Variants in SLC10A7 observed in about 807,000 individuals in gnomAD.
The protein encoded by SLC10A7 is solute carrier family 10 member 7.
SLC10A7 carries 29 observed loss-of-function variants against 43.2 expected under a neutral mutation model. The ratio of observed to expected loss-of-function variants is 0.67; its 90% confidence interval spans 0.50 to 0.92. The LOEUF is 0.92. Among genes scored for constraint, SLC10A7 ranks in the 40% least tolerant of loss-of-function variants. The pLI is 0.00. For synonymous variants in SLC10A7, 152 were observed against 144.8 expected (o/e 1.05, Z -0.35); for missense variants, 295 against 403.2 (o/e 0.73, Z 2.30).
At chr4:146,340,490 T>C (rs1007226913) in intron 5 of SLC10A7, among the ~76,000 whole-genome samples, 5 of 151,192 alleles carry the variant, frequency 3.3e-5, no homozygotes, top group Non-Finnish European at 5.9e-5. Flanking sequence ...AAAATATATA[T>C]ATACACATAT....
chr4:146,488,728 A>G (rs1298086694), intron 4 of SLC10A7, among the ~76,000 whole-genome samples: 1 of 152,206 alleles, frequency 6.6e-6, no homozygotes. Context: ...GTGGCTGTTA[A>G]AGCTTAGACA....
intron 10 of SLC10A7, among the ~76,000 whole-genome samples, chr4:146,277,667 C>T (rs1276958490): frequency 6.6e-6 from 1 of 152,110 alleles, no homozygotes; most frequent in East Asian, 1.9e-4. Flanking sequence ...TTTATGGCTA[C>T]ACTCCAAAGA....
chr4:146,498,482 A>G (rs1194820999), intron 4 of SLC10A7, among the ~76,000 whole-genome samples: 1 of 152,182 alleles, frequency 6.6e-6, no homozygotes, highest in African/African-American at 2.4e-5. Context: ...ACACACAGCC[A>G]CAATCACCAC....
At chr4:146,358,002 T>C (rs1288778952) in intron 5 of SLC10A7, among the ~76,000 whole-genome samples, 1 of 151,856 alleles carries the variant, frequency 6.6e-6, no homozygotes, top group Non-Finnish European at 1.5e-5. Context: ...GGATCATTGT[T>C]CATGCCTAAT....
At chr4:146,510,109 C>T in intron 2 of SLC10A7, 60 bp from the exon 3 acceptor site, 1 of 1,502,572 alleles carries the variant, frequency 6.7e-7, no homozygotes, top group South Asian at 1.3e-5. Context: ...GAAAGGAGAT[C>T]CCTACTAAAA....
chr4:146,505,731 A>C (rs1220135380), intron 3 of SLC10A7, among the ~76,000 whole-genome samples: 1 of 152,178 alleles, frequency 6.6e-6, no homozygotes, highest in Non-Finnish European at 1.5e-5. Context: ...GAGCTACTAG[A>C]GTCGTCTGTC....
intron 2 of SLC10A7, among the ~76,000 whole-genome samples, chr4:146,516,304 T>G (rs1195131165): frequency 6.6e-6 from 1 of 151,726 alleles, no homozygotes; most frequent in African/African-American, 2.4e-5. Context: ...CACACGTAAA[T>G]GTAAAAATGT....
chr4:146,429,024 C>T (rs1729580988), intron 5 of SLC10A7, among the ~76,000 whole-genome samples: 2 of 152,002 alleles, frequency 1.3e-5, no homozygotes, highest in East Asian at 3.8e-4. Flanking sequence ...GGATTTTCTT[C>T]TTTAGTAGAA....
At chr4:146,451,193 C>G (rs1312309625) in intron 4 of SLC10A7, among the ~76,000 whole-genome samples, 2 of 125,196 alleles carry the variant, frequency 1.6e-5, no homozygotes, top group Non-Finnish European at 3.3e-5. Flanking sequence ...CCGAACAGAC[C>G]AACAGCGAGT....
At position 146,374,421 on chromosome 4, in the gene SLC10A7, G is replaced by A. The variant is rs78787210; in HGVS notation, c.436-48425C>T. ...CTGGGCAACATGGTGAAATTCCCTC[G>A]CTACTAAAAATACAGAAACTAGCTG... On this transcript the variant is annotated intron_variant, in intron 5 of 11. Coordinates refer to ENST00000335472, the MANE Select transcript of SLC10A7 (RefSeq NM_001029998.6). Among the ~76,000 whole-genome samples, 177 of 151,604 alleles carry A rather than the reference G, an allele frequency of 1.2e-3. 1 individual carries two copies. In the East Asian group the frequency reaches 0.02, roughly 17 times the overall value.
chr4:146,393,830 G>T (rs1010695732), intron 5 of SLC10A7, among the ~76,000 whole-genome samples: 15 of 152,170 alleles, frequency 9.9e-5, no homozygotes, highest in African/African-American at 3.6e-4. Context: ...AGTCTTTAGG[G>T]GAAGGGAATA....
At chr4:146,488,721 G>T (rs934091980) in intron 4 of SLC10A7, among the ~76,000 whole-genome samples, 1 of 152,134 alleles carries the variant, frequency 6.6e-6, no homozygotes. Flanking sequence ...CAAGACTGTG[G>T]CTGTTAAAGC....
chr4:146,357,346 T>C (rs1016115669), intron 5 of SLC10A7, among the ~76,000 whole-genome samples: 1 of 152,220 alleles, frequency 6.6e-6, no homozygotes, highest in African/African-American at 2.4e-5. Flanking sequence ...TATATGTGCA[T>C]GATAAAATCT....
chr4:146,351,226 G>A (rs1486862823), intron 5 of SLC10A7, among the ~76,000 whole-genome samples: 6 of 150,006 alleles, frequency 4.0e-5, no homozygotes, highest in South Asian at 4.2e-4. Context: ...CGAGAACTAC[G>A]TGAAGAATGC....
chr4:146,272,439 A>G (rs1456208108), intron 10 of SLC10A7, among the ~76,000 whole-genome samples: 1 of 152,004 alleles, frequency 6.6e-6, no homozygotes, highest in Non-Finnish European at 1.5e-5. Context: ...TTCTGGCTGG[A>G]GTTGTTTGGA....
chr4:146,388,933 T>C (rs1430267119), intron 5 of SLC10A7, among the ~76,000 whole-genome samples: 1 of 152,016 alleles, frequency 6.6e-6, no homozygotes, highest in Admixed American at 6.6e-5. Flanking sequence ...AAATAAATAA[T>C]TAACAGAGCA....
chr4:146,477,165 T>G (rs1454654286), intron 4 of SLC10A7, among the ~76,000 whole-genome samples: 1 of 152,240 alleles, frequency 6.6e-6, no homozygotes, highest in Non-Finnish European at 1.5e-5. Flanking sequence ...TATCTCCAAT[T>G]AGATTTAAAG....
intron 11 of SLC10A7, 69 bp from the exon 12 acceptor site, chr4:146,256,589 C>T (rs1045404797): frequency 2.0e-5 from 30 of 1,506,788 alleles, no homozygotes; most frequent in Middle Eastern, 1.7e-4. Context: ...TCAATTAACA[C>T]CAGATAATTT....
Position 146,256,496 on chromosome 4 carries a change from C to T in SLC10A7, c.1018G>A (p.Val340Ile), listed in dbSNP as rs775350257. The T allele has an allele frequency of 2.5e-6, 4 of 1,614,080 alleles. No individual in the cohort carries two copies. The highest frequency in any genetic ancestry group is 3.4e-6 in the Non-Finnish European group (4 of 1,179,942). Residue 340 changes from valine to isoleucine, a missense_variant, in exon 12 of 12, where the codon GTA becomes ATA. Physicochemically the swap from Val to Ile is conservative, Grantham distance 29. Around this residue, in one of 2 missense-constraint regions of SLC10A7, gnomAD observed 242 missense variants for 362.5 expected, o/e 0.67. Transcript: ENST00000335472. ...CAGAAAGTCCACCTCCTTTGTTATA[C>T]TGTCGGCCTTGTCAGCTTCACTCCC... is the stretch of plus-strand genomic sequence containing the variant. ...QKGVKLTRPTV is the reference protein window; with the variant it reads ...QKGVKLTRPTI
Sources: allele counts gnomAD v4.1 joint callset (sites outside exome capture counted in the v4.1 genomes callset), GRCh38; gene constraint gnomAD v4.1.1; regional missense constraint gnomAD v4.1.1; transcripts MANE v1.5; gene names NCBI Gene and HGNC (gene_info 2026-07-23, HGNC 2026-07-21).